Variants in PLEKHA7 observed in about 807,000 individuals in gnomAD.
PLEKHA7 encodes pleckstrin homology domain containing A7.
PLEKHA7 carries 104 observed loss-of-function variants against 170.0 expected under a neutral mutation model. The observed-to-expected ratio is 0.61, with a 90% CI of 0.52 to 0.72. The LOEUF (loss-of-function observed/expected upper bound fraction) is 0.72. PLEKHA7 is among the 30% of genes least tolerant of loss of function. PLEKHA7 has a pLI of 0.00. For missense variants in PLEKHA7, 1,615 were observed against 1,671.7 expected (o/e 0.97, Z 0.59); for synonymous variants, 648 against 660.8 (o/e 0.98, Z 0.30).
intron 3 of PLEKHA7, among the ~76,000 whole-genome samples, chr11:16,978,484 T>C (rs145311869): frequency 1.1e-4 from 17 of 152,328 alleles, no homozygotes; most frequent in African/African-American, 3.8e-4. Flanking sequence ...CAGAGAATAA[T>C]GGCAAAGTGG....
chr11:17,002,692 G>A (rs937394388), intron 3 of PLEKHA7, among the ~76,000 whole-genome samples: 1 of 152,160 alleles, frequency 6.6e-6, no homozygotes, highest in African/African-American at 2.4e-5. Context: ...CACCTGTGAC[G>A]TGAGACGTGC....
At chr11:16,843,510 G>A (rs1852133894) in intron 8 of PLEKHA7, among the ~76,000 whole-genome samples, 1 of 152,258 alleles carries the variant, frequency 6.6e-6, no homozygotes, top group South Asian at 2.1e-4. Context: ...GGGAGTCTAG[G>A]CAAACTTGGC....
chr11:17,006,173 C>G (rs1252644160), intron 3 of PLEKHA7, among the ~76,000 whole-genome samples: 1 of 151,284 alleles, frequency 6.6e-6, no homozygotes. Context: ...GAGTTCAAGA[C>G]CAGCCTGACC....
At chr11:17,006,422 T>A (rs1864996135) in intron 3 of PLEKHA7, among the ~76,000 whole-genome samples, 1 of 149,062 alleles carries the variant, frequency 6.7e-6, no homozygotes, top group Non-Finnish European at 1.5e-5. Context: ...AGGTTAGGAG[T>A]TCAAGGCCAG....
intron 3 of PLEKHA7, among the ~76,000 whole-genome samples, chr11:16,924,410 C>T (rs776683020): frequency 7.0e-4 from 106 of 152,306 alleles, no homozygotes; most frequent in Middle Eastern, 6.8e-3. Context: ...ATGGCTGGGA[C>T]AGGGCAACAT....
At chr11:16,952,711 A>T (rs767024818) in intron 3 of PLEKHA7, among the ~76,000 whole-genome samples, 3 of 152,222 alleles carry the variant, frequency 2.0e-5, no homozygotes, top group Non-Finnish European at 4.4e-5. Context: ...TTGGTTAAGC[A>T]TCCCTAACCC....
chr11:16,926,412 C>A (rs1859548923), intron 3 of PLEKHA7, among the ~76,000 whole-genome samples: 2 of 152,202 alleles, frequency 1.3e-5, no homozygotes, highest in South Asian at 4.1e-4. Context: ...TCATTAGCAC[C>A]CGTCCAAATA....
intron 11 of PLEKHA7, 120 bp downstream of exon 11, chr11:16,816,680 A>G (rs1426857990): frequency 8.2e-7 from 1 of 1,224,256 alleles, no homozygotes; most frequent in Non-Finnish European, 1.1e-6. Flanking sequence ...ATTAAAATGT[A>G]CTGCCTAAGT....
At chr11:16,818,180 A>C (rs1849918992) in intron 10 of PLEKHA7, among the ~76,000 whole-genome samples, 1 of 152,238 alleles carries the variant, frequency 6.6e-6, no homozygotes, top group Non-Finnish European at 1.5e-5. Flanking sequence ...CTGGGTTTGA[A>C]GCCAAGCTTG....
chr11:16,889,675 T>C (rs1171005077), intron 3 of PLEKHA7, among the ~76,000 whole-genome samples: 1 of 151,988 alleles, frequency 6.6e-6, no homozygotes, highest in Non-Finnish European at 1.5e-5. Flanking sequence ...CGTCCAAACC[T>C]ACAAGTTATA....
intron 17 of PLEKHA7, 57 bp downstream of exon 17, chr11:16,800,917 C>G: frequency 6.7e-7 from 1 of 1,483,846 alleles, no homozygotes; most frequent in Admixed American, 1.7e-5. Context: ...CTTGGAAAAA[C>G]AAAAAACAAA....
chr11:16,969,222 T>C (rs1277701612), intron 3 of PLEKHA7, among the ~76,000 whole-genome samples: 2 of 151,990 alleles, frequency 1.3e-5, no homozygotes. Context: ...GCTTGAGCTG[T>C]GAGGGAGAAG....
At chr11:16,892,140 T>C (rs1317622131) in intron 3 of PLEKHA7, among the ~76,000 whole-genome samples, 1 of 152,198 alleles carries the variant, frequency 6.6e-6, no homozygotes, top group East Asian at 1.9e-4. Flanking sequence ...ACCCCAAGCA[T>C]GCAATCTGCC....
At chr11:16,896,442 A>C (rs1856998890) in intron 3 of PLEKHA7, among the ~76,000 whole-genome samples, 1 of 152,138 alleles carries the variant, frequency 6.6e-6, no homozygotes, top group East Asian at 1.9e-4. Context: ...GCACCTAGAA[A>C]TGCTGGAAGG....
intron 3 of PLEKHA7, among the ~76,000 whole-genome samples, chr11:16,913,093 C>A (rs1217166376): frequency 2.6e-5 from 4 of 152,174 alleles, no homozygotes; most frequent in Non-Finnish European, 5.9e-5. Context: ...CAGGGTGGGA[C>A]CTTTCCCTCC....
intron 3 of PLEKHA7, among the ~76,000 whole-genome samples, chr11:16,949,712 GTCTA>G (rs1479728934): frequency 6.6e-6 from 1 of 152,194 alleles, no homozygotes; most frequent in Non-Finnish European, 1.5e-5. Flanking sequence ...TACCCTGAGA[GTCTA>G]TCTAGCACAG....
At chr11:16,844,118 A>G (rs895493154) in intron 8 of PLEKHA7, among the ~76,000 whole-genome samples, 6 of 152,258 alleles carry the variant, frequency 3.9e-5, no homozygotes, top group African/African-American at 1.4e-4. Context: ...ATCCCACTAG[A>G]TACAAGCATA....
rs528415498 is a variant in PLEKHA7, at chr11:16,813,250, C to T, written c.1954-84G>A. On this transcript the variant is annotated intron_variant, in intron 12 of 26. Coordinates refer to ENST00000531066, the MANE Select transcript of PLEKHA7 (RefSeq NM_001329630.2). ...CGAGGTTTCACATGTGAATTATTTA[C>T]ATCGTGCAGCTTTGGGAACAAGGAA... 3.7e-5 allele frequency: 45 copies of T among 1,214,586 alleles called. No homozygotes were observed. The African/African-American group carries it at 6.3e-4, about 17-fold the overall frequency. The allele number at this position is 1,214,586 out of a possible 1,614,324, so 75.2% of individuals were successfully genotyped here.
At chr11:16,795,149 T>G in intron 17 of PLEKHA7, 131 bp from the exon 18 acceptor site, 1 of 670,604 alleles carries the variant, frequency 1.5e-6, no homozygotes, top group Non-Finnish European at 2.7e-6. Context: ...CCACTAGTGC[T>G]AGAACCAAGC....
Sources: gnomAD v4.1 joint callset for allele counts (sites outside exome capture counted in the v4.1 genomes callset) on GRCh38, gnomAD v4.1.1 for gene constraint, MANE v1.5 for transcripts, NCBI Gene and HGNC (gene_info 2026-07-23, HGNC 2026-07-21) for gene names.